The following GSDMA variants were observed in gnomAD, a reference collection of about 807,000 sequenced individuals.
The protein encoded by GSDMA is gasdermin-A.
A neutral mutation model predicts 54.3 loss-of-function variants in GSDMA; 55 were observed. The ratio of observed to expected loss-of-function variants is 1.01; its 90% CI spans 0.82 to 1.27. GSDMA has a LOEUF of 1.27. GSDMA is among the 50% of genes most tolerant of loss of function. GSDMA has a pLI of 0.00. For synonymous variants in GSDMA, 211 were observed against 224.7 expected (o/e 0.94, Z 0.54); for missense variants, 542 against 542.6 (o/e 1.00, Z 0.01).
At position 39,974,395 on chromosome 17, in the gene GSDMA, A is replaced by C. The variant is rs1980107157; in HGVS notation, c.874A>C (p.Lys292Gln). The change falls in exon 9 of 12, where the codon AAG (lysine) becomes CAG (glutamine). Residue 292 changes from lysine (K) to glutamine (Q), a missense_variant. Transcript: ENST00000301659. ...LLSSLSKLLG[K>Q]KKELQDLELA... ...CAGCTCCCTCAGCAAACTTCTAGGG[A>C]AGAAAAAGGAGCTACAAGACCTTGA... 1.9e-6 allele frequency: 3 copies of C among 1,590,544 alleles called. No homozygotes were observed. Among genetic ancestry groups the C allele is most frequent in the African/African-American group, 2.7e-5 (2 of 74,136 alleles).
In GSDMA at chr17:39,977,282, CTTTT is replaced by C; in HGVS notation, c.*225_*228del. 3.4e-6 allele frequency: 1 copy of C among 291,598 alleles called. No individual in the cohort carries two copies. Among genetic ancestry groups the C allele is most frequent in the East Asian group, 6.2e-5 (1 of 16,120 alleles). The allele number at this position is 291,598 out of a possible 1,614,324, so 18.1% of individuals were successfully genotyped here. ...TCTGCTGATGCTTAAATTTTCTTTA[CTTTT>C]CTTTTCTTTTTTTTTTTTTTTTTGA... On this transcript the variant is annotated 3_prime_UTR_variant, in exon 12 of 12. Transcript: ENST00000301659.
At position 39,974,301 on chromosome 17, in the gene GSDMA, A is replaced by C; in HGVS notation, c.780A>C (p.Leu260=). Residue 260 remains leucine, a synonymous_variant, in exon 9 of 12, where the codon CTA becomes CTC. Transcript: ENST00000301659. ...ACGTACACGAAGGCTTCAGGACACT[A>C]AAAGAAGAAGTTCAGAGAGAGACCC... The part of the protein sequence containing the change: ...VGDVHEGFRT[L]KEEVQRETQQ... 1 of 1,611,680 alleles carries C rather than the reference A, an allele frequency of 6.2e-7. No homozygotes were observed. The highest frequency in any genetic ancestry group is 1.1e-5 in the South Asian group (1 of 90,358).
rs754520430 is a variant in GSDMA, at chr17:39,974,708, C to G, written c.907-192C>G. Among the ~76,000 whole-genome samples the G allele has an allele frequency of 3.3e-5, 5 of 152,214 alleles. No homozygotes were observed. The East Asian group carries it at 7.7e-4, about 23-fold the overall frequency. Reference sequence around the variant, plus strand: ...GGGACTTCTGCTGGAGGGGCTGGAACCTTCTCTTTCCAGAGTCCAAAACTC... The same window carrying G: ...GGGACTTCTGCTGGAGGGGCTGGAAGCTTCTCTTTCCAGAGTCCAAAACTC... On this transcript the variant is annotated intron_variant, in intron 9 of 11. Transcript: ENST00000301659.
chr17:39,971,287 A>G (rs1979925439), intron 4 of GSDMA, among the ~76,000 whole-genome samples: 1 of 152,054 alleles, frequency 6.6e-6, no homozygotes, highest in African/African-American at 2.4e-5. Flanking sequence ...ACTAGAACTG[A>G]CCTGACTAGA....
intron 3 of GSDMA, 136 bp from the exon 4 acceptor site, chr17:39,970,346 C>T: frequency 1.4e-6 from 1 of 712,760 alleles, no homozygotes; most frequent in Non-Finnish European, 2.1e-6. Flanking sequence ...GTTTCAACCT[C>T]AGCCCTAGTC....
intron 1 of GSDMA, among the ~76,000 whole-genome samples, chr17:39,965,312 T>G (rs8070268): frequency 0.027 from 2,505 of 93,780 alleles, 48 homozygotes; most frequent in African/African-American, 0.044. Context: ...GAGAAATAAA[T>G]AAAGAAAGAA....
At chr17:39,965,458 A>G in intron 1 of GSDMA, 1 of 548,788 alleles carries the variant, frequency 1.8e-6, no homozygotes, top group South Asian at 2.3e-5. Context: ...CATCTGTGGG[A>G]CTTTGGGGCA....
chr17:39,967,517 G>A (rs1979723342), intron 3 of GSDMA, among the ~76,000 whole-genome samples: 2 of 152,166 alleles, frequency 1.3e-5, no homozygotes, highest in South Asian at 2.1e-4. Context: ...CCATGGAAGA[G>A]GCAAGTGGCA....
At chr17:39,975,821 T>C in intron 10 of GSDMA, 103 bp from the exon 11 acceptor site, 2 of 841,608 alleles carry the variant, frequency 2.4e-6, no homozygotes, top group East Asian at 5.6e-5. Flanking sequence ...GCGTTGTAAT[T>C]ACATCCAATG....
At chr17:39,974,569 C>T (rs1036524499) in intron 9 of GSDMA, 142 bp downstream of exon 9, 1 of 925,380 alleles carries the variant, frequency 1.1e-6, no homozygotes, top group Non-Finnish European at 1.6e-6. Flanking sequence ...AGATACCTTC[C>T]CCAAGGCTGG....
At chr17:39,971,500 C>T (rs1939231809) in intron 4 of GSDMA, 24 bp from the exon 5 acceptor site, 5 of 1,582,262 alleles carry the variant, frequency 3.2e-6, no homozygotes, top group Admixed American at 1.7e-5. Context: ...CAGAGATTCA[C>T]AAATTCTCAT....
Position 39,974,428 on chromosome 17 carries a change from G to T in GSDMA, c.906+1G>T, listed in dbSNP as rs759825485. Reference sequence around the variant, plus strand: ...GGAGCTACAAGACCTTGAGCTCGCAGTGAGGACCTAGTGGAAGTGGGGAAG... The same window carrying T: ...GGAGCTACAAGACCTTGAGCTCGCATTGAGGACCTAGTGGAAGTGGGGAAG... On this transcript the variant is annotated splice_donor_variant, in intron 9 of 11. Transcript: ENST00000301659. LOFTEE classifies it high-confidence loss of function. 1.9e-6 allele frequency: 3 copies of T among 1,574,968 alleles called. No individual in the cohort carries two copies. The highest frequency in any genetic ancestry group is 2.6e-6 in the Non-Finnish European group (3 of 1,160,560).
At chr17:39,966,112 A>G in intron 2 of GSDMA, 148 bp from the exon 3 acceptor site, 1 of 870,120 alleles carries the variant, frequency 1.1e-6, no homozygotes, top group Non-Finnish European at 1.8e-6. Context: ...GTTTTTGTAG[A>G]GATGGGTTCT....
chr17:39,974,522 C>CG, intron 9 of GSDMA, 95 bp downstream of exon 9: 1 of 1,352,148 alleles, frequency 7.4e-7, no homozygotes, highest in South Asian at 1.4e-5. Context: ...GGAGATCTGA[C>CG]GGGGGCAGGA....
chr17:39,964,647 A>G (rs1003932096), intron 1 of GSDMA, among the ~76,000 whole-genome samples: 24 of 152,114 alleles, frequency 1.6e-4, no homozygotes, highest in Non-Finnish European at 3.2e-4. Context: ...TACCTGTGGC[A>G]CGCATGAGGG....
chr17:39,970,566 G>A lies in GSDMA; in HGVS notation c.477G>A (p.Thr159=), dbSNP rs552073633. The change falls in exon 4 of 12, where the codon ACG becomes ACA. Residue 159 remains threonine, a synonymous_variant. Transcript: ENST00000301659. ...NLYVVMEVVE[T]VQEVTLERAG... ...ATGTGGTGATGGAGGTGGTGGAGAC[G>A]GTGCAGGAGGTCACACTGGAGCGAG... is the stretch of plus-strand genomic sequence containing the variant. The A allele has an allele frequency of 1.1e-5, 17 of 1,609,526 alleles. No homozygotes were observed. Among genetic ancestry groups the A allele is most frequent in the East Asian group, 4.5e-5 (2 of 44,324 alleles).
chr17:39,968,959 A>C (rs1875186220), intron 3 of GSDMA, among the ~76,000 whole-genome samples: 1 of 152,270 alleles, frequency 6.6e-6, no homozygotes, highest in East Asian at 1.9e-4. Flanking sequence ...TTCTGCTGAG[A>C]CATCAGCTGA....
chr17:39,974,137 A>G, intron 8 of GSDMA, 136 bp from the exon 9 acceptor site: 1 of 959,736 alleles, frequency 1.0e-6, no homozygotes, highest in Non-Finnish European at 1.5e-6. Context: ...GTAAAGAAAA[A>G]TGGGGCCAGG....
In GSDMA at chr17:39,974,256, C is replaced by G. The variant is rs770547854; in HGVS notation, c.752-17C>G. The G allele has an allele frequency of 6.3e-7, 1 of 1,598,500 alleles. No individual in the cohort carries two copies. Among genetic ancestry groups the G allele is most frequent in the East Asian group, 2.2e-5 (1 of 44,586 alleles). On this transcript the variant is annotated splice_polypyrimidine_tract_variant and intron_variant, in intron 8 of 11. Coordinates refer to ENST00000301659, the MANE Select transcript of GSDMA (RefSeq NM_178171.5). ...GTGCCCGATGGAGGGCTGTGTGTCC[C>G]ATTATTGTCCCCATAGGGGACGTAC...
Sources: allele counts gnomAD v4.1 joint callset (sites outside exome capture counted in the v4.1 genomes callset), GRCh38; gene constraint gnomAD v4.1.1; transcripts MANE v1.5; gene names NCBI Gene and HGNC (gene_info 2026-07-23, HGNC 2026-07-21).